Variants in NPAS3 observed in about 807,000 individuals in gnomAD.
NPAS3 encodes neuronal PAS domain protein 3.
A neutral mutation model predicts 73.1 loss-of-function variants in NPAS3; 14 were observed. The ratio of observed to expected loss-of-function variants is 0.19; its 90% CI spans 0.13 to 0.30. The LOEUF is 0.30. Ranked by LOEUF, NPAS3 falls within the 10% of genes least tolerant of loss-of-function variation. The pLI, the probability that NPAS3 is intolerant of heterozygous loss-of-function variation, is 1.00. For missense variants in NPAS3, 1,096 were observed against 1,250.0 expected (o/e 0.88, Z 1.86); for synonymous variants, 620 against 541.5 (o/e 1.14, Z -2.01).
At chr14:33,382,177 T>C (rs997475400) in intron 4 of NPAS3, among the ~76,000 whole-genome samples, 1 of 151,866 alleles carries the variant, frequency 6.6e-6, no homozygotes, top group Non-Finnish European at 1.5e-5. Flanking sequence ...TCGGGGAGGG[T>C]ACTCACTTCT....
chr14:32,981,769 A>G (rs2037908062), intron 1 of NPAS3, among the ~76,000 whole-genome samples: 1 of 152,048 alleles, frequency 6.6e-6, no homozygotes, highest in South Asian at 2.1e-4. Context: ...GGTGAGAGGA[A>G]CTCCAACAGC....
intron 4 of NPAS3, among the ~76,000 whole-genome samples, chr14:33,554,369 A>G (rs746555825): frequency 1.6e-4 from 25 of 152,230 alleles, no homozygotes; most frequent in South Asian, 2.1e-4. Context: ...TCTATCACGT[A>G]TGGGCATTTT....
At chr14:33,629,192 G>A (rs867099558) in intron 5 of NPAS3, among the ~76,000 whole-genome samples, 2 of 147,016 alleles carry the variant, frequency 1.4e-5, no homozygotes, top group Non-Finnish European at 3.0e-5. Flanking sequence ...GGGAGATTGC[G>A]CCACTGCACT....
At chr14:33,667,636 A>C (rs540545181) in intron 5 of NPAS3, among the ~76,000 whole-genome samples, 131 of 152,334 alleles carry the variant, frequency 8.6e-4, no homozygotes, top group African/African-American at 3.1e-3. Flanking sequence ...GATAACCTCA[A>C]ACCCTACCAC....
intron 2 of NPAS3, among the ~76,000 whole-genome samples, chr14:33,071,486 G>T (rs2041483671): frequency 6.6e-6 from 1 of 152,224 alleles, no homozygotes; most frequent in South Asian, 2.1e-4. Flanking sequence ...ATAATATTCA[G>T]ATAATTATGT....
intron 4 of NPAS3, among the ~76,000 whole-genome samples, chr14:33,467,352 TTCTCTC>T (rs923293776): frequency 6.6e-6 from 1 of 152,220 alleles, no homozygotes; most frequent in East Asian, 1.9e-4. Context: ...TAAAAGAGCT[TTCTCTC>T]TCTCTTTGGG....
At chr14:32,962,719 T>TGA (rs1323496057) in intron 1 of NPAS3, among the ~76,000 whole-genome samples, 1 of 151,258 alleles carries the variant, frequency 6.6e-6, no homozygotes, top group Non-Finnish European at 1.5e-5. Flanking sequence ...TGCACCATCA[T>TGA]GCCTGGCTAA....
intron 7 of NPAS3, among the ~76,000 whole-genome samples, chr14:33,741,634 A>G (rs72664561): frequency 0.012 from 1,770 of 152,310 alleles, 16 homozygotes; most frequent in Middle Eastern, 0.051. Flanking sequence ...TTACCAAGGC[A>G]TGACAGTAGT....
intron 5 of NPAS3, among the ~76,000 whole-genome samples, chr14:33,601,644 T>G (rs527447534): frequency 1.4e-4 from 21 of 152,212 alleles, no homozygotes; most frequent in Non-Finnish European, 2.5e-4. Context: ...GGTATAATCT[T>G]GGGAACTAAA....
intron 5 of NPAS3, among the ~76,000 whole-genome samples, chr14:33,621,342 A>G (rs1261214776): frequency 6.6e-6 from 1 of 152,156 alleles, no homozygotes; most frequent in Non-Finnish European, 1.5e-5. Context: ...TTTGCCAGCT[A>G]AAAGATAGGG....
At chr14:33,540,109 G>A (rs1266765912) in intron 4 of NPAS3, among the ~76,000 whole-genome samples, 1 of 152,140 alleles carries the variant, frequency 6.6e-6, no homozygotes, top group East Asian at 1.9e-4. Flanking sequence ...TTGTGTCAAT[G>A]TGAACATTCC....
intron 5 of NPAS3, among the ~76,000 whole-genome samples, chr14:33,594,275 G>T (rs894324907): frequency 1.3e-5 from 2 of 151,132 alleles, no homozygotes; most frequent in African/African-American, 2.5e-5. Flanking sequence ...ATTATTGTTT[G>T]TTGTTGTTGT....
At chr14:33,649,914 G>A (rs535792774) in intron 5 of NPAS3, among the ~76,000 whole-genome samples, 1 of 152,316 alleles carries the variant, frequency 6.6e-6, no homozygotes, top group Admixed American at 6.5e-5. Flanking sequence ...GGAAGGGCCA[G>A]GGAAGAGGTC....
At chr14:33,471,726 G>A (rs372760021) in intron 4 of NPAS3, among the ~76,000 whole-genome samples, 1 of 152,222 alleles carries the variant, frequency 6.6e-6, no homozygotes. Flanking sequence ...GAAATTACCA[G>A]TAGAAAGTTT....
At chr14:33,159,093 C>T (rs550978941) in intron 2 of NPAS3, among the ~76,000 whole-genome samples, 5 of 151,872 alleles carry the variant, frequency 3.3e-5, no homozygotes, top group African/African-American at 9.7e-5. Flanking sequence ...ATCTGGGAGG[C>T]GGAAATTGCA....
At chr14:33,334,924 G>GT (rs781309605) in intron 3 of NPAS3, among the ~76,000 whole-genome samples, 5 of 151,910 alleles carry the variant, frequency 3.3e-5, no homozygotes, top group Admixed American at 6.6e-5. Context: ...GTGATGTTTG[G>GT]TTTTCCATTT....
At chr14:32,984,479 G>T (rs1226451463) in intron 1 of NPAS3, among the ~76,000 whole-genome samples, 1 of 152,164 alleles carries the variant, frequency 6.6e-6, no homozygotes. Context: ...TTTGTTTTAT[G>T]AGTCTTTGGA....
At chr14:33,294,419 T>C (rs955152308) in intron 3 of NPAS3, among the ~76,000 whole-genome samples, 1 of 152,200 alleles carries the variant, frequency 6.6e-6, no homozygotes, top group Non-Finnish European at 1.5e-5. Context: ...CAGGGCAGCC[T>C]CTTTGATGCT....
chr14:33,656,619 G>A (rs923080111), intron 5 of NPAS3, among the ~76,000 whole-genome samples: 1 of 152,154 alleles, frequency 6.6e-6, no homozygotes, highest in Admixed American at 6.5e-5. Context: ...ATAGCATGAT[G>A]TTTTGATATA....
Sources: allele counts gnomAD v4.1 joint callset (sites outside exome capture counted in the v4.1 genomes callset), GRCh38; gene constraint gnomAD v4.1.1; transcripts MANE v1.5; gene names NCBI Gene and HGNC (gene_info 2026-07-23, HGNC 2026-07-21).